The following RBFOX1 variants were observed in gnomAD, a reference collection of about 807,000 sequenced individuals.
RBFOX1 encodes the protein RNA binding fox-1 homolog 1.
Under a neutral mutation model 57.7 loss-of-function variants are expected in RBFOX1, and 8 were observed. The ratio of observed to expected loss-of-function variants is 0.14; its 90% confidence interval spans 0.08 to 0.25. RBFOX1 has a LOEUF of 0.25. Among genes scored for constraint, RBFOX1 ranks in the 10% least tolerant of loss-of-function variants. RBFOX1 has a pLI of 1.00. For synonymous variants in RBFOX1, 326 were observed against 222.4 expected (o/e 1.47, Z -4.15); for missense variants, 611 against 548.5 (o/e 1.11, Z -1.14).
intron 4 of RBFOX1, 74 bp downstream of exon 4, chr16:7,052,172 C>T (rs1376540300): frequency 2.6e-6 from 4 of 1,549,240 alleles, no homozygotes; most frequent in Non-Finnish European, 3.5e-6. Context: ...CTTGTCTCTC[C>T]CAAGACACGG....
chr16:7,374,158 C>A (rs950699985), intron 4 of RBFOX1, among the ~76,000 whole-genome samples: 1 of 152,066 alleles, frequency 6.6e-6, no homozygotes, highest in Non-Finnish European at 1.5e-5. Context: ...ACAGGGTTTG[C>A]AGATGATGTG....
At chr16:7,527,735 T>C (rs958963641) in intron 5 of RBFOX1, among the ~76,000 whole-genome samples, 1 of 152,144 alleles carries the variant, frequency 6.6e-6, no homozygotes, top group Admixed American at 6.6e-5. Flanking sequence ...ATGAAGGTCT[T>C]AGCACAATGA....
chr16:7,544,311 G>A (rs532665215), intron 5 of RBFOX1, among the ~76,000 whole-genome samples: 3 of 152,330 alleles, frequency 2.0e-5, no homozygotes, highest in African/African-American at 7.2e-5. Context: ...ATGTCACCTG[G>A]TTTATAAAAT....
chr16:7,639,559 T>A (rs2062401216), intron 11 of RBFOX1, among the ~76,000 whole-genome samples: 1 of 152,202 alleles, frequency 6.6e-6, no homozygotes, highest in Admixed American at 6.5e-5. Context: ...CAAGTTGGCT[T>A]CTATTATACC....
At chr16:5,736,111 C>G (rs563903753) in intron 3 of RBFOX1, among the ~76,000 whole-genome samples, 1 of 152,006 alleles carries the variant, frequency 6.6e-6, no homozygotes, top group African/African-American at 2.4e-5. Context: ...TTACTGGCTG[C>G]GATGATGACG....
intron 4 of RBFOX1, among the ~76,000 whole-genome samples, chr16:7,286,476 G>A (rs1408095698): frequency 2.1e-5 from 3 of 142,858 alleles, no homozygotes; most frequent in Non-Finnish European, 4.5e-5. Flanking sequence ...TTGAGATGGA[G>A]TCTTGCTCTG....
chr16:7,318,625 C>G (rs1236846334), intron 4 of RBFOX1, among the ~76,000 whole-genome samples: 2 of 152,164 alleles, frequency 1.3e-5, no homozygotes, highest in African/African-American at 2.4e-5. Context: ...TAAACAAACT[C>G]TTAGACATAG....
At chr16:6,637,701 C>G (rs1030655564) in intron 2 of RBFOX1, among the ~76,000 whole-genome samples, 1 of 150,924 alleles carries the variant, frequency 6.6e-6, no homozygotes, top group African/African-American at 2.4e-5. Flanking sequence ...GCAGAAAGTA[C>G]AGCTGACCAT....
At chr16:5,280,759 C>T (rs1291614988) in intron 1 of RBFOX1, among the ~76,000 whole-genome samples, 1 of 150,528 alleles carries the variant, frequency 6.6e-6, no homozygotes, top group Non-Finnish European at 1.5e-5. Context: ...CTTTTTATTT[C>T]TTTGGTAACA....
rs188339969 is a variant in RBFOX1 at position 6,948,527 on chromosome 16, C to T, written c.-15-103530C>T. On this transcript the variant is annotated intron_variant, in intron 3 of 15. Transcript: ENST00000550418. ...CCTCCCAAGTAGCTTGGACTAGAGGCGCCCACCACCATGCCCAGCTAATTT... is the reference window on the plus strand; with the variant it reads ...CCTCCCAAGTAGCTTGGACTAGAGGTGCCCACCACCATGCCCAGCTAATTT... Among the ~76,000 whole-genome samples the T allele has an allele frequency of 6.2e-4, 94 of 151,580 alleles. 2 individuals are homozygous for T. Among genetic ancestry groups the T allele is most frequent in the African/African-American group, 1.9e-3 (79 of 41,364 alleles).
chr16:7,625,307 A>C (rs1428695335), intron 10 of RBFOX1, among the ~76,000 whole-genome samples: 1 of 152,144 alleles, frequency 6.6e-6, no homozygotes, highest in Non-Finnish European at 1.5e-5. Context: ...TTGCATATCA[A>C]AGCTTGCCCA....
chr16:6,045,939 G>A (rs1472030604), intron 1 of RBFOX1, among the ~76,000 whole-genome samples: 2 of 152,298 alleles, frequency 1.3e-5, no homozygotes, highest in South Asian at 4.1e-4. Flanking sequence ...GATTTATTGG[G>A]GAACAGAGAA....
At chr16:6,810,870 C>T (rs963391971) in intron 3 of RBFOX1, among the ~76,000 whole-genome samples, 2 of 152,124 alleles carry the variant, frequency 1.3e-5, no homozygotes, top group African/African-American at 4.8e-5. Context: ...CCTCCCTCAA[C>T]ATGTGGGGAT....
At chr16:6,009,546 T>C (rs2343582) in intron 4 of RBFOX1, among the ~76,000 whole-genome samples, 40,598 of 151,998 alleles carry the variant, frequency 0.27, 5,525 homozygotes, top group Middle Eastern at 0.4. Context: ...TTAATATATT[T>C]ATGGTGCATA....
intron 4 of RBFOX1, among the ~76,000 whole-genome samples, chr16:7,086,619 C>G (rs1434397548): frequency 6.6e-6 from 1 of 151,954 alleles, no homozygotes; most frequent in Admixed American, 6.6e-5. Flanking sequence ...TGCTTCCAAG[C>G]CGATGGATTT....
At chr16:5,666,271 C>G (rs1266945364) in intron 3 of RBFOX1, among the ~76,000 whole-genome samples, 2 of 152,200 alleles carry the variant, frequency 1.3e-5, no homozygotes, top group African/African-American at 2.4e-5. Flanking sequence ...TGATTGGAGC[C>G]TCATTATCCC....
At chr16:6,351,048 C>G (rs1398119177) in intron 2 of RBFOX1, among the ~76,000 whole-genome samples, 1 of 152,130 alleles carries the variant, frequency 6.6e-6, no homozygotes, top group African/African-American at 2.4e-5. Context: ...TTTCAGTTTT[C>G]TCCTGTTGCC....
intron 1 of RBFOX1, among the ~76,000 whole-genome samples, chr16:6,232,674 A>C (rs1056654550): frequency 1.3e-5 from 2 of 152,188 alleles, no homozygotes; most frequent in Non-Finnish European, 2.9e-5. Flanking sequence ...CCTTAGGTTC[A>C]AACCTATTTA....
intron 14 of RBFOX1, among the ~76,000 whole-genome samples, chr16:7,686,642 A>G (rs763756439): frequency 7.9e-5 from 12 of 152,128 alleles, no homozygotes; most frequent in South Asian, 2.1e-4. Flanking sequence ...CAACTTGCAC[A>G]AAAGGTCTGG....
Sources: gnomAD v4.1 joint callset for allele counts (sites outside exome capture counted in the v4.1 genomes callset) on GRCh38, gnomAD v4.1.1 for gene constraint, MANE v1.5 for transcripts, NCBI Gene and HGNC (gene_info 2026-07-23, HGNC 2026-07-21) for gene names.